Variants in RANBP17 observed in about 807,000 individuals in gnomAD.
RANBP17 encodes ran-binding protein 17.
In RANBP17, 158 loss-of-function variants were observed where a neutral mutation model predicts 141.2. The observed-to-expected ratio is 1.12, with a 90% CI of 0.98 to 1.28. RANBP17 has a LOEUF of 1.28. Among genes scored for constraint, RANBP17 ranks in the 50% most tolerant of loss-of-function variants. The pLI is 0.00. For synonymous variants in RANBP17, 430 were observed against 450.0 expected, an observed-to-expected ratio of 0.96 and a Z score of 0.56; for missense variants, 1,438 against 1,290.7, an observed-to-expected ratio of 1.11 and a Z score of -1.75.
At chr5:171,257,228 T>C (rs1765957791) in intron 24 of RANBP17, among the ~76,000 whole-genome samples, 1 of 152,242 alleles carries the variant, frequency 6.6e-6, no homozygotes, top group African/African-American at 2.4e-5. Flanking sequence ...AATTGGGATT[T>C]ATCCCAGGAA....
At chr5:171,133,085 C>T (rs1007378367) in intron 14 of RANBP17, among the ~76,000 whole-genome samples, 2 of 152,052 alleles carry the variant, frequency 1.3e-5, no homozygotes, top group African/African-American at 4.8e-5. Flanking sequence ...AGGGTTTCAC[C>T]TTTTTGGCCA....
At chr5:171,273,938 A>G (rs750826755) in intron 25 of RANBP17, among the ~76,000 whole-genome samples, 1 of 152,046 alleles carries the variant, frequency 6.6e-6, no homozygotes, top group Non-Finnish European at 1.5e-5. Flanking sequence ...CTTTTACTAT[A>G]CTTGTCTACT....
chr5:171,259,303 G>A (rs938475742), intron 24 of RANBP17, among the ~76,000 whole-genome samples: 1 of 152,226 alleles, frequency 6.6e-6, no homozygotes, highest in African/African-American at 2.4e-5. Flanking sequence ...ATGGAAAACA[G>A]TATGGAGATT....
chr5:171,141,556 G>A (rs1416077734), intron 14 of RANBP17, among the ~76,000 whole-genome samples: 2 of 137,512 alleles, frequency 1.5e-5, no homozygotes, highest in South Asian at 2.3e-4. Context: ...GCAGTGAGCC[G>A]AGATCTCACC....
intron 24 of RANBP17, among the ~76,000 whole-genome samples, chr5:171,261,777 T>C (rs1766345512): frequency 6.6e-6 from 1 of 152,220 alleles, no homozygotes; most frequent in African/African-American, 2.4e-5. Context: ...ATTCATGACC[T>C]CTGCCTGTGT....
At chr5:170,965,747 C>T (rs542933602) in intron 13 of RANBP17, among the ~76,000 whole-genome samples, 44 of 152,168 alleles carry the variant, frequency 2.9e-4, no homozygotes, top group Non-Finnish European at 4.9e-4. Context: ...TGTTCTGTTC[C>T]GTTGGTCTGT....
intron 25 of RANBP17, among the ~76,000 whole-genome samples, chr5:171,277,155 G>A (rs1767539536): frequency 6.6e-6 from 1 of 151,448 alleles, no homozygotes; most frequent in Admixed American, 6.6e-5. Flanking sequence ...ACAGATAGCA[G>A]CATTTATGTC....
chr5:171,055,883 AAAAAAAAAAAAAAC>A (rs1416163900), intron 14 of RANBP17, among the ~76,000 whole-genome samples: 2 of 63,300 alleles, frequency 3.2e-5, no homozygotes, highest in African/African-American at 8.4e-5. Context: ...CTGTTGCCAA[AAAAAAAAAAAAAAC>A]AAAAAAAAAA....
At chr5:170,948,076 G>A (rs1039352141) in intron 12 of RANBP17, among the ~76,000 whole-genome samples, 1 of 152,114 alleles carries the variant, frequency 6.6e-6, no homozygotes, top group Non-Finnish European at 1.5e-5. Context: ...TCTTGGTAAG[G>A]TCTGAGAAGG....
chr5:171,037,057 C>T (rs1363235839), intron 14 of RANBP17, among the ~76,000 whole-genome samples: 3 of 152,154 alleles, frequency 2.0e-5, no homozygotes, highest in Non-Finnish European at 4.4e-5. Flanking sequence ...TCCCCCCCAA[C>T]AGTGTATAAG....
chr5:171,144,356 GACCCTATCTCAA>G (rs531294696), intron 14 of RANBP17, among the ~76,000 whole-genome samples: 1,579 of 151,956 alleles, frequency 0.01, 9 homozygotes, highest in South Asian at 0.018. Flanking sequence ...GACAGAGCAA[GACCCTATCTCAA>G]AAAAAAAGAA....
At chr5:171,205,728 A>C in intron 20 of RANBP17, 116 bp downstream of exon 20, 1 of 795,834 alleles carries the variant, frequency 1.3e-6, no homozygotes, top group Non-Finnish European at 2.2e-6. Flanking sequence ...AAATGAACTA[A>C]TGTGTAATCA....
chr5:171,041,527 G>C (rs1782248756), intron 14 of RANBP17, among the ~76,000 whole-genome samples: 1 of 152,050 alleles, frequency 6.6e-6, no homozygotes, highest in Non-Finnish European at 1.5e-5. Flanking sequence ...AGGCAATTTT[G>C]TTGTTGTGGA....
intron 5 of RANBP17, chr5:170,897,039 T>C: frequency 1.1e-6 from 1 of 937,498 alleles, no homozygotes; most frequent in South Asian, 1.3e-5. Flanking sequence ...AAGGAATCTA[T>C]TATGAGGCAA....
In RANBP17 at chr5:171,186,526, C is replaced by CTTTTT. The variant is rs757585137; in HGVS notation, c.2038+3120_2038+3124dup. On this transcript the variant is annotated intron_variant, in intron 18 of 27. Transcript: ENST00000523189. The stretch of plus-strand genomic sequence containing the variant: ...GAAATGTTATCACTGGTATGATTTT[C>CTTTTT]TTTTTTTTTTTTTTTTTTTTTTTTT... Among the ~76,000 whole-genome samples the CTTTTT allele has an allele frequency of 3.4e-4, 14 of 41,664 alleles. 2 individuals are homozygous for CTTTTT. Among genetic ancestry groups the CTTTTT allele is most frequent in the East Asian group, 1.8e-3 (2 of 1,122 alleles). The allele number at this position is 41,664 out of a possible 152,430, so 27.3% of individuals were successfully genotyped here.
Position 170,878,199 on chromosome 5 carries a change from C to G in RANBP17, c.121C>G (p.Pro41Ala), listed in dbSNP as rs758046920. The change falls in exon 2 of 28, where the codon CCA becomes GCA. Residue 41 changes from proline (P) to alanine (A), a missense_variant. Transcript: ENST00000523189. The stretch of plus-strand genomic sequence containing the variant: ...AGCACTCTTGGAACTTATTGACAGT[C>G]CAGAATGTCTCAGCAAGTGTCAACT... Reference protein sequence around the residue: ...EKALLELIDSPECLSKCQLLL... With the variant: ...EKALLELIDSAECLSKCQLLL... The G allele has an allele frequency of 6.2e-6, 10 of 1,611,840 alleles. No homozygotes were observed. In the South Asian group the frequency reaches 1.1e-4, roughly 18 times the overall value.
chr5:171,250,106 CAT>C (rs1326610457), intron 24 of RANBP17, among the ~76,000 whole-genome samples: 1 of 152,166 alleles, frequency 6.6e-6, no homozygotes, highest in Non-Finnish European at 1.5e-5. Context: ...TGGAATGATA[CAT>C]TCAAAGTACA....
intron 12 of RANBP17, among the ~76,000 whole-genome samples, chr5:170,950,269 A>G (rs1214719056): frequency 6.6e-6 from 1 of 152,172 alleles, no homozygotes; most frequent in East Asian, 1.9e-4. Flanking sequence ...GCCCCTTCAC[A>G]GCAAAGGAAA....
intron 25 of RANBP17, among the ~76,000 whole-genome samples, chr5:171,285,098 G>A (rs1413409884): frequency 6.6e-6 from 1 of 152,204 alleles, no homozygotes; most frequent in Admixed American, 6.5e-5. Flanking sequence ...CCTCAAACAT[G>A]CCAAGCTCTG....
Sources: gnomAD v4.1 joint callset for allele counts (sites outside exome capture counted in the v4.1 genomes callset) on GRCh38, gnomAD v4.1.1 for gene constraint, MANE v1.5 for transcripts, NCBI Gene and HGNC (gene_info 2026-07-23, HGNC 2026-07-21) for gene names.